Variants in CNTN6 observed in about 807,000 individuals in gnomAD.
CNTN6 encodes the protein contactin-6.
A neutral mutation model predicts 122.8 loss-of-function variants in CNTN6; 137 were observed. That is an observed-to-expected ratio of 1.12 (90% CI 0.97 to 1.29). The LOEUF (loss-of-function observed/expected upper bound fraction) is 1.29, where lower values mean the gene tolerates loss of function less well. Ranked by LOEUF, CNTN6 falls within the 50% of genes most tolerant of loss-of-function variation. The pLI, the probability that CNTN6 is intolerant of heterozygous loss-of-function variation, is 0.00. For missense variants in CNTN6, 1,634 were observed against 1,223.4 expected (o/e 1.34, Z -5.01); for synonymous variants, 570 against 426.0 (o/e 1.34, Z -4.16).
intron 4 of CNTN6, among the ~76,000 whole-genome samples, chr3:1,256,131 A>G (rs1162488474): frequency 1.3e-5 from 2 of 152,130 alleles, no homozygotes; most frequent in Non-Finnish European, 2.9e-5. Context: ...GTGGTCTCCT[A>G]AAGTGCTGCG....
At chr3:1,248,693 G>T (rs34220417) in intron 4 of CNTN6, among the ~76,000 whole-genome samples, 2 of 151,624 alleles carry the variant, frequency 1.3e-5, no homozygotes, top group Admixed American at 6.6e-5. Flanking sequence ...GGTGGTGGGC[G>T]CCTGTAATCC....
At chr3:1,235,268 CTG>C (rs1325765659) in intron 4 of CNTN6, among the ~76,000 whole-genome samples, 1 of 152,078 alleles carries the variant, frequency 6.6e-6, no homozygotes, top group African/African-American at 2.4e-5. Context: ...ATTTACAAAA[CTG>C]AGACAGATGC....
intron 7 of CNTN6, among the ~76,000 whole-genome samples, chr3:1,305,342 A>G (rs989303127): frequency 7.2e-5 from 11 of 152,212 alleles, no homozygotes; most frequent in Non-Finnish European, 1.5e-4. Context: ...AATTGTCTTA[A>G]CTTTAATTGC....
intron 2 of CNTN6, among the ~76,000 whole-genome samples, chr3:1,216,571 A>G (rs2094133575): frequency 6.6e-6 from 1 of 152,190 alleles, no homozygotes; most frequent in African/African-American, 2.4e-5. Flanking sequence ...CTCGATCATC[A>G]TTTACAGGAA....
At chr3:1,344,746 T>C (rs1298115006) in intron 11 of CNTN6, among the ~76,000 whole-genome samples, 1 of 152,184 alleles carries the variant, frequency 6.6e-6, no homozygotes, top group African/African-American at 2.4e-5. Flanking sequence ...TCAGACAAAA[T>C]AAAAGAGATG....
chr3:1,227,622 T>C (rs1229622014), intron 3 of CNTN6, among the ~76,000 whole-genome samples, 196 bp from the exon 4 acceptor site: 2 of 152,150 alleles, frequency 1.3e-5, no homozygotes, highest in African/African-American at 4.8e-5. Flanking sequence ...GAGTACATCT[T>C]TCAAATAATC....
At chr3:1,242,689 C>G (rs1165926462) in intron 4 of CNTN6, among the ~76,000 whole-genome samples, 3 of 152,006 alleles carry the variant, frequency 2.0e-5, no homozygotes, top group African/African-American at 7.3e-5. Flanking sequence ...GCGAAGGAGG[C>G]TTTGGGTTGG....
chr3:1,138,467 C>G (rs1292161234), intron 1 of CNTN6, among the ~76,000 whole-genome samples: 3 of 151,810 alleles, frequency 2.0e-5, no homozygotes, highest in Non-Finnish European at 4.4e-5. Flanking sequence ...AGTATATATT[C>G]TTATTAAATA....
intron 4 of CNTN6, among the ~76,000 whole-genome samples, chr3:1,244,525 A>T (rs1047328990): frequency 6.6e-6 from 1 of 151,916 alleles, no homozygotes; most frequent in African/African-American, 2.4e-5. Flanking sequence ...CTGCCCCAGG[A>T]AAGTGGAGAA....
Position 1,403,420 on chromosome 3 carries a change from G to A in CNTN6, c.*2G>A, listed in dbSNP as rs755745418. Reference sequence around the variant, plus strand: ...TTTGCTATTCAGCCACTTATCTGATGAATAAAACCATAAATCTTTGAGAGT... The same window carrying A: ...TTTGCTATTCAGCCACTTATCTGATAAATAAAACCATAAATCTTTGAGAGT... On this transcript the variant is annotated 3_prime_UTR_variant, in exon 23 of 23. Transcript: ENST00000446702. The A allele has an allele frequency of 2.5e-6, 4 of 1,577,556 alleles. No homozygotes were observed. The highest frequency in any genetic ancestry group is 3.5e-6 in the Non-Finnish European group (4 of 1,148,574).
intron 4 of CNTN6, among the ~76,000 whole-genome samples, chr3:1,252,006 A>G (rs1167916769): frequency 1.3e-5 from 2 of 152,122 alleles, no homozygotes; most frequent in African/African-American, 4.8e-5. Context: ...TTATTTCCCC[A>G]AAATAATTCC....
intron 2 of CNTN6, among the ~76,000 whole-genome samples, chr3:1,151,502 A>G (rs2092841793): frequency 6.6e-6 from 1 of 152,216 alleles, no homozygotes; most frequent in Non-Finnish European, 1.5e-5. Flanking sequence ...AGGAAATTTC[A>G]TCTGGTTTAT....
chr3:1,232,689 AGAGTC>A (rs2094367764), intron 4 of CNTN6, among the ~76,000 whole-genome samples: 2 of 152,204 alleles, frequency 1.3e-5, no homozygotes, highest in Admixed American at 1.3e-4. Context: ...GACAGAGTGA[AGAGTC>A]CTACCACCTA....
chr3:1,249,721 A>G (rs146371153), intron 4 of CNTN6, among the ~76,000 whole-genome samples: 97 of 152,356 alleles, frequency 6.4e-4, no homozygotes, highest in African/African-American at 2.2e-3. Context: ...TGGAGATTAT[A>G]TAACCCTCCT....
intron 12 of CNTN6, among the ~76,000 whole-genome samples, chr3:1,368,117 ATTATTT>A (rs551963068): frequency 2.6e-5 from 4 of 152,348 alleles, no homozygotes; most frequent in South Asian, 2.1e-4. Flanking sequence ...TGATAAGAAC[ATTATTT>A]TTATATGATG....
intron 1 of CNTN6, among the ~76,000 whole-genome samples, chr3:1,103,943 GATAA>G (rs1228496396): frequency 1.3e-5 from 2 of 151,768 alleles, no homozygotes; most frequent in African/African-American, 4.8e-5. Flanking sequence ...AGTTAATTCT[GATAA>G]ATAATTTAAC....
At chr3:1,197,122 A>C (rs2093788920) in intron 2 of CNTN6, among the ~76,000 whole-genome samples, 1 of 152,218 alleles carries the variant, frequency 6.6e-6, no homozygotes, top group Non-Finnish European at 1.5e-5. Flanking sequence ...CGTTTGCCTG[A>C]GAGAATTTCT....
chr3:1,159,047 A>T (rs1002239322), intron 2 of CNTN6, among the ~76,000 whole-genome samples: 1 of 149,926 alleles, frequency 6.7e-6, no homozygotes, highest in African/African-American at 2.5e-5. Context: ...AAGACTCCCA[A>T]GTAACAGACT....
intron 4 of CNTN6, among the ~76,000 whole-genome samples, chr3:1,249,407 C>T (rs2094627633): frequency 6.6e-6 from 1 of 152,076 alleles, no homozygotes; most frequent in Non-Finnish European, 1.5e-5. Flanking sequence ...TGCAGACTCA[C>T]TTTTTAAAAA....
Sources: gnomAD v4.1 joint callset for allele counts (sites outside exome capture counted in the v4.1 genomes callset) on GRCh38, gnomAD v4.1.1 for gene constraint, MANE v1.5 for transcripts, NCBI Gene and HGNC (gene_info 2026-07-23, HGNC 2026-07-21) for gene names.